Variants in FHIT observed in about 807,000 individuals in gnomAD.
FHIT encodes the protein fragile histidine triad diadenosine triphosphatase.
Under a neutral mutation model 17.9 loss-of-function variants are expected in FHIT, and 19 were observed. The ratio of observed to expected loss-of-function variants is 1.06; its 90% CI spans 0.74 to 1.56. FHIT has a LOEUF of 1.56. Among genes scored for constraint, FHIT ranks in the 40% most tolerant of loss-of-function variants. FHIT has a pLI of 0.00. For synonymous variants in FHIT, 81 were observed against 69.7 expected (o/e 1.16, Z -0.81); for missense variants, 248 against 189.2 (o/e 1.31, Z -1.82).
chr3:59,956,627 C>T (rs1473306488), intron 7 of FHIT, among the ~76,000 whole-genome samples: 1 of 152,120 alleles, frequency 6.6e-6, no homozygotes, highest in African/African-American at 2.4e-5. Flanking sequence ...AAGATCGCGC[C>T]ACTGCACTCC....
chr3:60,067,091 A>C (rs1397784264), intron 5 of FHIT, among the ~76,000 whole-genome samples: 5 of 152,154 alleles, frequency 3.3e-5, no homozygotes, highest in Admixed American at 2.0e-4. Context: ...ACAGCATAAG[A>C]AGATACCCAG....
chr3:59,852,644 A>G (rs1701987400), intron 8 of FHIT, among the ~76,000 whole-genome samples: 1 of 152,118 alleles, frequency 6.6e-6, no homozygotes, highest in Admixed American at 6.6e-5. Flanking sequence ...GAGTAGTTTC[A>G]TTGTCCTAAA....
chr3:60,261,333 A>G (rs1016823474), intron 5 of FHIT, among the ~76,000 whole-genome samples: 1 of 151,990 alleles, frequency 6.6e-6, no homozygotes, highest in African/African-American at 2.4e-5. Flanking sequence ...AGACATATAT[A>G]TCATATTACA....
At chr3:59,943,114 C>T (rs1706612770) in intron 7 of FHIT, among the ~76,000 whole-genome samples, 1 of 132,558 alleles carries the variant, frequency 7.5e-6, no homozygotes, top group South Asian at 2.4e-4. Context: ...TGGGCACATC[C>T]TCAAAAGCAC....
intron 3 of FHIT, among the ~76,000 whole-genome samples, chr3:60,888,065 C>T (rs1465243561): frequency 6.6e-6 from 1 of 152,124 alleles, no homozygotes; most frequent in African/African-American, 2.4e-5. Context: ...TAAGTCCGGC[C>T]TGAAATCTGG....
intron 4 of FHIT, among the ~76,000 whole-genome samples, chr3:60,661,283 A>T (rs2040241028): frequency 6.6e-6 from 1 of 152,128 alleles, no homozygotes; most frequent in South Asian, 2.1e-4. Flanking sequence ...GCTCCCACTT[A>T]TGAGTGAGAA....
At chr3:59,958,108 T>C (rs1707492302) in intron 7 of FHIT, among the ~76,000 whole-genome samples, 1 of 152,202 alleles carries the variant, frequency 6.6e-6, no homozygotes, top group Non-Finnish European at 1.5e-5. Flanking sequence ...TATCCACATC[T>C]ACCAACTGTC....
At chr3:60,853,262 G>C (rs1703224825) in intron 3 of FHIT, among the ~76,000 whole-genome samples, 1 of 152,034 alleles carries the variant, frequency 6.6e-6, no homozygotes, top group African/African-American at 2.4e-5. Flanking sequence ...AATATTAGCA[G>C]CTTTTTCTTC....
At chr3:60,047,674 C>T (rs765167459) in intron 5 of FHIT, among the ~76,000 whole-genome samples, 1 of 152,156 alleles carries the variant, frequency 6.6e-6, no homozygotes. Flanking sequence ...AGAATAACAA[C>T]AAACACTTAG....
chr3:60,130,385 G>A (rs538451676), intron 5 of FHIT, among the ~76,000 whole-genome samples: 1 of 152,218 alleles, frequency 6.6e-6, no homozygotes, highest in South Asian at 2.1e-4. Flanking sequence ...CACTATCCAT[G>A]CTCACAACAA....
chr3:60,923,833 A>G (rs1402340023), intron 3 of FHIT, among the ~76,000 whole-genome samples: 1 of 152,158 alleles, frequency 6.6e-6, no homozygotes, highest in Non-Finnish European at 1.5e-5. Flanking sequence ...GACAGACGGC[A>G]CCTGGAAAAT....
chr3:60,830,263 G>C (rs1287785487), intron 3 of FHIT, among the ~76,000 whole-genome samples: 2 of 150,636 alleles, frequency 1.3e-5, no homozygotes, highest in Non-Finnish European at 3.0e-5. Flanking sequence ...GACCATAAAG[G>C]GTAAAGAGAA....
At chr3:60,908,928 C>G (rs572185278) in intron 3 of FHIT, among the ~76,000 whole-genome samples, 1 of 152,256 alleles carries the variant, frequency 6.6e-6, no homozygotes, top group South Asian at 2.1e-4. Context: ...AGGACCCCTG[C>G]CCTCAAAGAG....
intron 1 of FHIT, among the ~76,000 whole-genome samples, chr3:61,221,403 A>T (rs9843007): frequency 0.39 from 59,918 of 152,148 alleles, 12,141 homozygotes; most frequent in East Asian, 0.52. Flanking sequence ...TGCAGATGCA[A>T]TATTAAAACA....
chr3:60,553,065 C>T (rs1029039544), intron 4 of FHIT, among the ~76,000 whole-genome samples: 2 of 152,192 alleles, frequency 1.3e-5, no homozygotes, highest in African/African-American at 2.4e-5. Flanking sequence ...GCTGCCAAGA[C>T]AGGCTCTGGC....
At chr3:60,874,917 T>C (rs2107089557) in intron 3 of FHIT, among the ~76,000 whole-genome samples, 1 of 152,296 alleles carries the variant, frequency 6.6e-6, no homozygotes, top group Non-Finnish European at 1.5e-5. Context: ...CTTGGAAACG[T>C]TTACTTAATC....
At chr3:60,066,870 T>G (rs562442896) in intron 5 of FHIT, among the ~76,000 whole-genome samples, 120 of 151,808 alleles carry the variant, frequency 7.9e-4, no homozygotes, top group Non-Finnish European at 1.3e-3. Flanking sequence ...GGTCTCGATC[T>G]CCTGACCTTG....
chr3:59,855,182 A>G (rs1010533668), intron 8 of FHIT, among the ~76,000 whole-genome samples: 1 of 152,234 alleles, frequency 6.6e-6, no homozygotes, highest in African/African-American at 2.4e-5. Flanking sequence ...AATTTGCCCA[A>G]TGTTAATTAT....
At chr3:60,153,102 T>C (rs560778198) in intron 5 of FHIT, among the ~76,000 whole-genome samples, 4 of 152,292 alleles carry the variant, frequency 2.6e-5, no homozygotes, top group Non-Finnish European at 5.9e-5. Flanking sequence ...AGCAGCATCT[T>C]GAATTTGCGT....
Sources: gnomAD v4.1 joint callset for allele counts (sites outside exome capture counted in the v4.1 genomes callset) on GRCh38, gnomAD v4.1.1 for gene constraint, MANE v1.5 for transcripts, NCBI Gene and HGNC (gene_info 2026-07-23, HGNC 2026-07-21) for gene names.